The following INPP4B variants were observed in gnomAD, a reference collection of about 807,000 sequenced individuals.
INPP4B encodes the protein inositol polyphosphate 4-phosphatase type II.
INPP4B carries 55 observed loss-of-function variants against 122.5 expected under a neutral mutation model. The ratio of observed to expected loss-of-function variants is 0.45; its 90% CI spans 0.36 to 0.56. INPP4B has a LOEUF of 0.56. INPP4B is among the 20% of genes least tolerant of loss of function. INPP4B has a pLI of 0.00. For synonymous variants in INPP4B, 403 were observed against 388.7 expected, an observed-to-expected ratio of 1.04 and a Z score of -0.43; for missense variants, 1,000 against 1,097.7, an observed-to-expected ratio of 0.91 and a Z score of 1.26.
chr4:142,215,005 T>C (rs1846502368), intron 12 of INPP4B, among the ~76,000 whole-genome samples: 1 of 152,258 alleles, frequency 6.6e-6, no homozygotes, highest in Admixed American at 6.5e-5. Context: ...ACACCTGTTA[T>C]TCCACTGTAA....
At chr4:142,439,063 G>A (rs1266008280) in intron 3 of INPP4B, among the ~76,000 whole-genome samples, 1 of 152,094 alleles carries the variant, frequency 6.6e-6, no homozygotes, top group Non-Finnish European at 1.5e-5. Flanking sequence ...GAGAAATACA[G>A]GTGTCTGAGC....
chr4:142,801,488 G>A (rs1005695283), intron 1 of INPP4B, among the ~76,000 whole-genome samples: 2 of 152,186 alleles, frequency 1.3e-5, no homozygotes, highest in East Asian at 1.9e-4. Flanking sequence ...AGGACACAGC[G>A]AGTGGAGGCA....
At chr4:142,622,984 T>C (rs866961270) in intron 2 of INPP4B, among the ~76,000 whole-genome samples, 4 of 151,902 alleles carry the variant, frequency 2.6e-5, no homozygotes, top group East Asian at 1.9e-4. Flanking sequence ...CCCAAAGAGA[T>C]GTTTTGGCCC....
chr4:142,305,771 A>G (rs1424950137), intron 8 of INPP4B: 2 of 1,335,100 alleles, frequency 1.5e-6, no homozygotes, highest in Non-Finnish European at 1.9e-6. Flanking sequence ...AGGCTAGAAA[A>G]TAACAAGAGG....
At chr4:142,465,991 C>A (rs1817688018) in intron 2 of INPP4B, among the ~76,000 whole-genome samples, 1 of 152,154 alleles carries the variant, frequency 6.6e-6, no homozygotes, top group Admixed American at 6.5e-5. Flanking sequence ...AAATAAATCT[C>A]TTTTATTTAT....
chr4:142,367,970 C>T (rs1297827153), intron 7 of INPP4B, among the ~76,000 whole-genome samples: 3 of 152,128 alleles, frequency 2.0e-5, no homozygotes, highest in African/African-American at 7.2e-5. Context: ...GTGCCTATCA[C>T]CCAGTGTATT....
rs1400966037 is a variant in INPP4B at position 142,089,464 on chromosome 4, CACACACACACACACACAG to C, written c.2375-3226_2375-3209del. On this transcript the variant is annotated intron_variant, in intron 23 of 25. Transcript: ENST00000262992. ...ACACACACACACACACACACACACA[CACACACACACACACACAG>C]AGAGAGAGAGAGAGAAAGTGATAAA... Among the ~76,000 whole-genome samples, 28 of 104,556 alleles carry C rather than the reference CACACACACACACACACAG, an allele frequency of 2.7e-4. 1 individual carries two copies. The South Asian group carries it at 4.0e-3, about 15-fold the overall frequency. 68.6% of individuals were successfully genotyped at this position (104,556 alleles called of 152,430 possible).
intron 11 of INPP4B, among the ~76,000 whole-genome samples, chr4:142,259,388 AG>A (rs934793862): frequency 1.3e-5 from 2 of 151,376 alleles, no homozygotes; most frequent in Non-Finnish European, 2.9e-5. Context: ...GAAAAAAAAA[AG>A]ATCAGATACC....
At chr4:142,584,364 A>G (rs1413351133) in intron 2 of INPP4B, among the ~76,000 whole-genome samples, 1 of 152,124 alleles carries the variant, frequency 6.6e-6, no homozygotes, top group Non-Finnish European at 1.5e-5. Context: ...TTCAGACTTT[A>G]TGCAGATTTT....
intron 21 of INPP4B, among the ~76,000 whole-genome samples, chr4:142,120,524 G>A (rs1432119358): frequency 6.6e-6 from 1 of 152,032 alleles, no homozygotes; most frequent in Non-Finnish European, 1.5e-5. Context: ...TGTCTTCTGT[G>A]TACAACATTC....
At position 142,054,590 on chromosome 4, in the gene INPP4B, A is replaced by ATT. The variant is rs58473978; in HGVS notation, c.2643-25678_2643-25677dup. 3.0e-4 allele frequency among the ~76,000 whole-genome samples: 45 copies of ATT among 150,744 alleles called. 1 individual carries two copies. The highest frequency in any genetic ancestry group is 2.1e-3 in the South Asian group (10 of 4,790). On this transcript the variant is annotated intron_variant, in intron 25 of 25. Coordinates refer to ENST00000262992, the MANE Select transcript of INPP4B (RefSeq NM_001101669.3). ...TTCCAAAGACAGTCCAGAGGGTCCCATTTTTTTTTCTTGTGAACTGACTTA... is the reference window on the plus strand; with the variant it reads ...TTCCAAAGACAGTCCAGAGGGTCCCATTTTTTTTTTTCTTGTGAACTGACTTA...
At chr4:142,314,571 G>A in intron 8 of INPP4B, 141 bp downstream of exon 8, 3 of 745,200 alleles carry the variant, frequency 4.0e-6, no homozygotes, top group Non-Finnish European at 6.8e-6. Flanking sequence ...GCAAATATGT[G>A]ACAGTGCCTC....
At chr4:142,317,372 T>C in intron 7 of INPP4B, 1 of 327,554 alleles carries the variant, frequency 3.1e-6, no homozygotes, top group Non-Finnish European at 6.2e-6. Flanking sequence ...GATTACATGC[T>C]TATGATCAAC....
intron 2 of INPP4B, among the ~76,000 whole-genome samples, chr4:142,685,258 C>T (rs1333693586): frequency 6.6e-6 from 1 of 151,942 alleles, no homozygotes; most frequent in Non-Finnish European, 1.5e-5. Flanking sequence ...TAGTATTTTA[C>T]AAGAAGAACA....
chr4:142,638,838 G>A (rs1749743881), intron 2 of INPP4B, among the ~76,000 whole-genome samples: 2 of 152,234 alleles, frequency 1.3e-5, no homozygotes, highest in South Asian at 4.2e-4. Context: ...GAGCCACCAT[G>A]CCCGGCCTAG....
chr4:142,151,513 A>G (rs1197609272), intron 17 of INPP4B, among the ~76,000 whole-genome samples: 1 of 152,174 alleles, frequency 6.6e-6, no homozygotes, highest in Non-Finnish European at 1.5e-5. Context: ...AATTCCTTGT[A>G]ACAATTAACC....
At chr4:142,076,258 T>A (rs920423258) in intron 25 of INPP4B, among the ~76,000 whole-genome samples, 2 of 152,098 alleles carry the variant, frequency 1.3e-5, no homozygotes, top group Non-Finnish European at 2.9e-5. Context: ...AATTAGCACA[T>A]ACATTTTGTT....
chr4:142,274,550 G>T (rs999821195), intron 9 of INPP4B, among the ~76,000 whole-genome samples: 2 of 151,668 alleles, frequency 1.3e-5, no homozygotes, highest in African/African-American at 4.8e-5. Flanking sequence ...TCTGGAAAGT[G>T]ACTTAGCACT....
chr4:142,471,670 T>G (rs1580151205), intron 2 of INPP4B, among the ~76,000 whole-genome samples: 1 of 152,304 alleles, frequency 6.6e-6, no homozygotes, highest in African/African-American at 2.4e-5. Context: ...ATCAGCAGTG[T>G]AGGCAGAGAT....
Sources: allele counts gnomAD v4.1 joint callset (sites outside exome capture counted in the v4.1 genomes callset), GRCh38; gene constraint gnomAD v4.1.1; transcripts MANE v1.5; gene names NCBI Gene and HGNC (gene_info 2026-07-23, HGNC 2026-07-21).